The following DHX40 variants were observed in gnomAD, a reference collection of about 807,000 sequenced individuals.
The protein encoded by DHX40 is DEAH-box helicase 40.
DHX40 carries 28 observed loss-of-function variants against 89.6 expected under a neutral mutation model. That is an observed-to-expected ratio of 0.31 (90% CI 0.23 to 0.43). The LOEUF is 0.43. Among genes scored for constraint, DHX40 ranks in the 20% least tolerant of loss-of-function variants. The probability of loss-of-function intolerance (pLI) is 1.00; values close to 1 mark genes in which losing one functional copy is unlikely to be tolerated. For synonymous variants in DHX40, 226 were observed against 283.6 expected, an observed-to-expected ratio of 0.80 and a Z score of 2.04; for missense variants, 457 against 844.0, an observed-to-expected ratio of 0.54 and a Z score of 5.68.
At chr17:59,588,301 T>C (rs865976465) in intron 12 of DHX40, among the ~76,000 whole-genome samples, 1 of 150,478 alleles carries the variant, frequency 6.6e-6, no homozygotes, top group Non-Finnish European at 1.5e-5. Context: ...CAGAAAAATT[T>C]AGTAGGAAGT....
rs369677422 is a variant in DHX40 at position 59,565,635 on chromosome 17, T to C, written c.-37T>C. Reference sequence around the variant, plus strand: ...GTCTTTCCCCTCCCATCTCCTCAGATCGGTGGACGTGCTCGCCTCCACTCG... The same window carrying C: ...GTCTTTCCCCTCCCATCTCCTCAGACCGGTGGACGTGCTCGCCTCCACTCG... On this transcript the variant is annotated 5_prime_UTR_variant, in exon 1 of 18. Coordinates refer to ENST00000251241, the MANE Select transcript of DHX40 (RefSeq NM_024612.5). 430 of 1,572,894 alleles carry C rather than the reference T, an allele frequency of 2.7e-4. No homozygotes were observed. The African/African-American group carries it at 5.1e-3, about 19-fold the overall frequency.
At chr17:59,571,519 C>CT (rs373270639) in intron 3 of DHX40, among the ~76,000 whole-genome samples, 5 of 151,016 alleles carry the variant, frequency 3.3e-5, no homozygotes, top group Non-Finnish European at 7.4e-5. Flanking sequence ...ACTTTCAGAA[C>CT]TTTTTTTATC....
chr17:59,588,219 TAA>T (rs1169868073), intron 12 of DHX40, among the ~76,000 whole-genome samples, 166 bp downstream of exon 12: 6 of 67,816 alleles, frequency 8.8e-5, no homozygotes, highest in African/African-American at 2.0e-4. Flanking sequence ...CCATCTCTAC[TAA>T]AAAAAAAAAA....
chr17:59,602,738 T>G, intron 15 of DHX40, 122 bp downstream of exon 15: 4 of 850,512 alleles, frequency 4.7e-6, no homozygotes, highest in Non-Finnish European at 5.2e-6. Context: ...ATGACATGAA[T>G]TACAGTGACG....
chr17:59,591,683 C>A (rs78103477), intron 12 of DHX40, among the ~76,000 whole-genome samples: 14,989 of 151,006 alleles, frequency 0.099, 1,568 homozygotes, highest in East Asian at 0.47. Flanking sequence ...AACATTTTAC[C>A]CCCTTTGCTT....
rs375898316 is a variant in DHX40, at chr17:59,577,372, C to G, written c.1073+7C>G. 6.2e-7 allele frequency: 1 copy of G among 1,608,614 alleles called. No individual in the cohort carries two copies. Among genetic ancestry groups the G allele is most frequent in the African/African-American group, 1.3e-5 (1 of 74,794 alleles). ...TGACAATAGATGGAATCAGGTAAAA[C>G]TTTTGAACTTTCTCTTAAAGTCAAG... On this transcript the variant is annotated splice_region_variant and intron_variant, in intron 8 of 17. Transcript: ENST00000251241.
intron 10 of DHX40, among the ~76,000 whole-genome samples, chr17:59,585,142 G>A (rs1377496542): frequency 8.8e-5 from 6 of 68,398 alleles, no homozygotes; most frequent in Non-Finnish European, 1.4e-4. Flanking sequence ...GCTTACGCCC[G>A]TAATCCCAGC....
intron 3 of DHX40, among the ~76,000 whole-genome samples, chr17:59,571,441 G>C (rs2048806665): frequency 1.8e-5 from 2 of 108,754 alleles, no homozygotes. Context: ...TGGGCAACAA[G>C]AGCAAAACTC....
At chr17:59,570,100 A>T (rs2048774280) in intron 2 of DHX40, among the ~76,000 whole-genome samples, 1 of 128,232 alleles carries the variant, frequency 7.8e-6, no homozygotes, top group African/African-American at 3.0e-5. Context: ...TATATAGTAT[A>T]TATTATAATA....
intron 12 of DHX40, among the ~76,000 whole-genome samples, chr17:59,590,997 A>G (rs1598163832): frequency 6.6e-6 from 1 of 150,412 alleles, no homozygotes; most frequent in African/African-American, 2.4e-5. Context: ...ACATAGCAAG[A>G]CCCCATCTCT....
rs1470889456 is a variant in DHX40, at chr17:59,565,726, G to T, written c.55G>T (p.Glu19Ter). Reference protein sequence around the residue: ...GRAPRRQEEGERSRDLQEERL... With the variant: ...GRAPRRQEEG ...GGCGCCAAGGCGGCAGGAGGAGGGT[G>T]AGCGGTCAAGAGACCTCCAGGAAGA... is the stretch of plus-strand genomic sequence containing the variant. Residue 19 changes from glutamate to a stop codon, truncating the protein, a stop_gained, in exon 1 of 18, where the codon GAG becomes TAG. Coordinates refer to ENST00000251241, the MANE Select transcript of DHX40 (RefSeq NM_024612.5). LOFTEE classifies it high-confidence loss of function. 1 of 1,604,986 alleles carries T rather than the reference G, an allele frequency of 6.2e-7. No homozygotes were observed. Among genetic ancestry groups the T allele is most frequent in the Non-Finnish European group, 8.5e-7 (1 of 1,179,692 alleles).
intron 7 of DHX40, among the ~76,000 whole-genome samples, chr17:59,576,017 G>GCC (rs1358450406): frequency 4.2e-5 from 6 of 144,576 alleles, no homozygotes; most frequent in Non-Finnish European, 7.6e-5. Context: ...AGCCTCCCAA[G>GCC]TAGCTGGGAT....
intron 10 of DHX40, among the ~76,000 whole-genome samples, chr17:59,581,785 G>C (rs1330759773): frequency 8.8e-6 from 1 of 114,014 alleles, no homozygotes; most frequent in Admixed American, 8.8e-5. Context: ...ACCAAAAAAA[G>C]CAAAAAAAAA....
At chr17:59,595,419 AT>A (rs1230784614) in intron 12 of DHX40, among the ~76,000 whole-genome samples, 1 of 152,148 alleles carries the variant, frequency 6.6e-6, no homozygotes, top group African/African-American at 2.4e-5. Flanking sequence ...GTTTTCGGAG[AT>A]TTGTGACACT....
intron 12 of DHX40, among the ~76,000 whole-genome samples, chr17:59,588,307 G>A (rs2697388): frequency 0.41 from 61,006 of 147,706 alleles, 17,008 homozygotes; most frequent in African/African-American, 0.79. Flanking sequence ...AATTTAGTAG[G>A]AAGTACAGAG....
At chr17:59,570,976 G>A (rs9909087) in intron 3 of DHX40, among the ~76,000 whole-genome samples, 64,341 of 151,998 alleles carry the variant, frequency 0.42, 18,116 homozygotes, top group African/African-American at 0.79. Context: ...AGTGTCTGAT[G>A]TTCATCCCAT....
chr17:59,583,477 T>C (rs1434389915), intron 10 of DHX40, among the ~76,000 whole-genome samples: 1 of 100,102 alleles, frequency 1.0e-5, no homozygotes, highest in African/African-American at 2.8e-5. Flanking sequence ...AAAGGATATA[T>C]CTTATATCCT....
Position 59,586,252 on chromosome 17 carries a change from A to C in DHX40, c.1424+19A>C, listed in dbSNP as rs2048994958. On this transcript the variant is annotated intron_variant, in intron 11 of 17. Transcript: ENST00000251241. ...TTGACAGGTAAAAAAAAAAAAAAAA[A>C]ATCACAATCAAAACAGATATTGATC... 2.2e-6 allele frequency: 3 copies of C among 1,385,486 alleles called. No individual in the cohort carries two copies. In the East Asian group the frequency reaches 7.5e-5, roughly 35 times the overall value. The allele number at this position is 1,385,486 out of a possible 1,614,324, so 85.8% of individuals were successfully genotyped here.
chr17:59,577,117 C>T, intron 7 of DHX40, 149 bp from the exon 8 acceptor site: 5 of 686,352 alleles, frequency 7.3e-6, no homozygotes, highest in East Asian at 2.8e-5. Context: ...GATCCTCCCG[C>T]CTCAGCCTCC....
Sources: gnomAD v4.1 joint callset for allele counts (sites outside exome capture counted in the v4.1 genomes callset) on GRCh38, gnomAD v4.1.1 for gene constraint, MANE v1.5 for transcripts, NCBI Gene and HGNC (gene_info 2026-07-23, HGNC 2026-07-21) for gene names.